DCHS2: variants seen among roughly 807,000 people sequenced by gnomAD.
DCHS2 encodes protocadherin-23.
In DCHS2, 142 loss-of-function variants were observed where a neutral mutation model predicts 182.4. That is an observed-to-expected ratio of 0.78 (90% confidence interval 0.68 to 0.89). The LOEUF (loss-of-function observed/expected upper bound fraction) is 0.89, where lower values mean the gene tolerates loss of function less well. DCHS2 is among the 40% of genes least tolerant of loss of function. The pLI, the probability that DCHS2 is intolerant of heterozygous loss-of-function variation, is 0.00. For synonymous variants in DCHS2, 1,740 were observed against 1,663.3 expected, an observed-to-expected ratio of 1.05 and a Z score of -1.12; for missense variants, 4,319 against 4,198.6, an observed-to-expected ratio of 1.03 and a Z score of -0.79.
chr4:154,285,670 A>T (rs1326153487), intron 13 of DCHS2, among the ~76,000 whole-genome samples: 1 of 152,002 alleles, frequency 6.6e-6, no homozygotes. Context: ...CTGGGGGAAG[A>T]ATAGGAAGGA....
At chr4:154,251,302 C>T (rs565919114) in intron 16 of DCHS2, among the ~76,000 whole-genome samples, 1 of 152,204 alleles carries the variant, frequency 6.6e-6, no homozygotes, top group Non-Finnish European at 1.5e-5. Context: ...ATAAGCCCTG[C>T]AATCATTCAC....
At chr4:154,270,788 C>A (rs563958626) in intron 13 of DCHS2, among the ~76,000 whole-genome samples, 30 of 151,460 alleles carry the variant, frequency 2.0e-4, no homozygotes, top group African/African-American at 7.0e-4. Context: ...GACACACTGC[C>A]CCAAAACACT....
chr4:154,304,939 G>T, intron 11 of DCHS2, 61 bp from the exon 12 acceptor site: 2 of 1,531,156 alleles, frequency 1.3e-6, no homozygotes, highest in Non-Finnish European at 1.8e-6. Flanking sequence ...AAAATATGTT[G>T]TTCTAACTAG....
In DCHS2 at chr4:154,361,418, T is replaced by C. The variant is rs566302517; in HGVS notation, c.2476+4792A>G. Among the ~76,000 whole-genome samples, 20 of 152,316 alleles carry C rather than the reference T, an allele frequency of 1.3e-4. No homozygotes were observed. In the South Asian group the frequency reaches 3.9e-3, roughly 30 times the overall value. ...AGCTAAAGAACTGCTCTTTTAATGT[T>C]ACTAAAGAGAGCACTTCAAACGATG... On this transcript the variant is annotated intron_variant, in intron 3 of 19. Coordinates refer to ENST00000357232, the MANE Select transcript of DCHS2 (RefSeq NM_001358235.2).
rs777755820 is a variant in DCHS2 at position 154,328,224 on chromosome 4, T to C, written c.3919-32A>G. ...TTAAAACAAACAGCTTACAAATGAG[T>C]CAGCAAAAGTTTAAAAAGAAATATC... is the stretch of plus-strand genomic sequence containing the variant. On this transcript the variant is annotated intron_variant, in intron 6 of 19. Coordinates refer to ENST00000357232, the MANE Select transcript of DCHS2 (RefSeq NM_001358235.2). 8.5e-6 allele frequency: 13 copies of C among 1,536,566 alleles called. No homozygotes were observed. In the East Asian group the frequency reaches 9.1e-5, roughly 11 times the overall value.
intron 2 of DCHS2, among the ~76,000 whole-genome samples, chr4:154,368,594 G>A (rs894824870): frequency 1.3e-5 from 2 of 150,808 alleles, no homozygotes; most frequent in African/African-American, 2.4e-5. Context: ...TTGGCTCACC[G>A]CAACCTGCGC....
At position 154,389,514 on chromosome 4, in the gene DCHS2, G is replaced by C. The variant is rs567933825; in HGVS notation, c.2053-12070C>G. ...TCTATGTTCTATTCCTAAAGACAAA[G>C]GTTATATATATATATATATATAACC... On this transcript the variant is annotated intron_variant, in intron 1 of 19. Coordinates refer to ENST00000357232, the MANE Select transcript of DCHS2 (RefSeq NM_001358235.2). Among the ~76,000 whole-genome samples, 130 of 45,884 alleles carry C rather than the reference G, an allele frequency of 2.8e-3. 5 individuals are homozygous for C. The highest frequency in any genetic ancestry group is 7.9e-3 in the African/African-American group (124 of 15,796). 30.1% of individuals were successfully genotyped at this position (45,884 alleles called of 152,430 possible).
At chr4:154,481,811 G>A (rs1213732678) in intron 1 of DCHS2, among the ~76,000 whole-genome samples, 1 of 152,036 alleles carries the variant, frequency 6.6e-6, no homozygotes, top group Non-Finnish European at 1.5e-5. Context: ...TTAAGTAACA[G>A]AGCTGAAATT....
chr4:154,304,565 G>A lies in DCHS2; in HGVS notation c.5605+104C>T, dbSNP rs1578941594. 7.2e-6 allele frequency: 7 copies of A among 973,722 alleles called. No homozygotes were observed. In the South Asian group the frequency reaches 1.2e-4, roughly 16 times the overall value. The allele number at this position is 973,722 out of a possible 1,614,324, so 60.3% of individuals were successfully genotyped here. A position where few individuals can be genotyped will look rare whatever the true frequency, so the allele number is the denominator to read the frequency against. On this transcript the variant is annotated intron_variant, in intron 12 of 19. Coordinates refer to ENST00000357232, the MANE Select transcript of DCHS2 (RefSeq NM_001358235.2). ...CAAGAATTGCTTGAACCTGGGAGGT[G>A]AAGTTGCAGTGAGCCATCGCGCCAC...
chr4:154,383,424 C>T (rs1348477531), intron 1 of DCHS2, among the ~76,000 whole-genome samples: 1 of 152,160 alleles, frequency 6.6e-6, no homozygotes, highest in East Asian at 1.9e-4. Context: ...TCACACAATA[C>T]ACTCACATGA....
chr4:154,393,755 A>C (rs1341031021), intron 1 of DCHS2, among the ~76,000 whole-genome samples: 1 of 152,176 alleles, frequency 6.6e-6, no homozygotes, highest in African/African-American at 2.4e-5. Flanking sequence ...AAGATGTGCC[A>C]CATCACCACT....
At chr4:154,456,290 A>G (rs1321448754) in intron 1 of DCHS2, among the ~76,000 whole-genome samples, 2 of 152,168 alleles carry the variant, frequency 1.3e-5, no homozygotes, top group African/African-American at 4.8e-5. Context: ...CCAGACTACC[A>G]TGTTAAAATC....
intron 19 of DCHS2, 140 bp from the exon 20 acceptor site, chr4:154,237,299 C>T: frequency 9.0e-7 from 1 of 1,114,296 alleles, no homozygotes; most frequent in Non-Finnish European, 1.2e-6. Context: ...ACAATGACTC[C>T]AAATAGAAAT....
At chr4:154,371,643 T>G (rs1018278338) in intron 2 of DCHS2, among the ~76,000 whole-genome samples, 3 of 152,182 alleles carry the variant, frequency 2.0e-5, no homozygotes, top group African/African-American at 7.2e-5. Flanking sequence ...CTCATGGCTC[T>G]GCAGGTGAAC....
chr4:154,295,598 A>T (rs1460999514), intron 13 of DCHS2, among the ~76,000 whole-genome samples: 1 of 152,240 alleles, frequency 6.6e-6, no homozygotes, highest in Admixed American at 6.5e-5. Flanking sequence ...ATTGTTATGT[A>T]ACAACTGGTT....
intron 1 of DCHS2, among the ~76,000 whole-genome samples, chr4:154,431,635 T>C (rs1733563378): frequency 6.6e-6 from 1 of 152,236 alleles, no homozygotes; most frequent in African/African-American, 2.4e-5. Context: ...CAGTCCCAGT[T>C]AAATCTCTTC....
chr4:154,418,601 G>A (rs1274603407), intron 1 of DCHS2, among the ~76,000 whole-genome samples: 1 of 152,176 alleles, frequency 6.6e-6, no homozygotes, highest in African/African-American at 2.4e-5. Context: ...CAAAATGCCA[G>A]TTGTTCTCCC....
intron 1 of DCHS2, among the ~76,000 whole-genome samples, chr4:154,461,255 T>C (rs1278457986): frequency 3.9e-5 from 6 of 152,244 alleles, no homozygotes; most frequent in East Asian, 1.9e-4. Flanking sequence ...CCTTTTCTTC[T>C]ATGAAATATC....
chr4:154,467,820 T>C (rs935310553), intron 1 of DCHS2, among the ~76,000 whole-genome samples: 8 of 152,210 alleles, frequency 5.3e-5, no homozygotes, highest in Non-Finnish European at 1.2e-4. Context: ...ACAAGGTATA[T>C]CTTAAATGCT....
Sources: gnomAD v4.1 joint callset for allele counts (sites outside exome capture counted in the v4.1 genomes callset) on GRCh38, gnomAD v4.1.1 for gene constraint, MANE v1.5 for transcripts, NCBI Gene and HGNC (gene_info 2026-07-23, HGNC 2026-07-21) for gene names.